TENT5B: variants seen among roughly 807,000 people sequenced by gnomAD.
The protein encoded by TENT5B is family with sequence similarity 46 member B.
A neutral mutation model predicts 21.7 loss-of-function variants in TENT5B; 12 were observed. The observed-to-expected ratio is 0.55, with a 90% CI of 0.36 to 0.90. TENT5B has a LOEUF of 0.90. Ranked by LOEUF, TENT5B falls within the 40% of genes least tolerant of loss-of-function variation. The pLI is 0.01. For missense variants in TENT5B, 540 were observed against 601.5 expected (o/e 0.90, Z 1.07); for synonymous variants, 262 against 266.6 (o/e 0.98, Z 0.17).
chr1:27,009,326 C>A (rs1207676864), intron 1 of TENT5B, among the ~76,000 whole-genome samples: 1 of 152,130 alleles, frequency 6.6e-6, no homozygotes, highest in Non-Finnish European at 1.5e-5. Flanking sequence ...TGCACAAGAT[C>A]ACGTGGAGAT....
chr1:27,007,919 C>T (rs1259216940), intron 1 of TENT5B, among the ~76,000 whole-genome samples: 1 of 152,098 alleles, frequency 6.6e-6, no homozygotes, highest in Non-Finnish European at 1.5e-5. Context: ...AGACCAGAAC[C>T]CAGGTTAGTT....
Position 27,006,908 on chromosome 1 carries a change from C to CACTGT in TENT5B, c.313_314insACAGT (p.Arg105HisfsTer40). ...GTGGCTGGCAGCTGAACCATGCAGC[C>CACTGT]GCACACTGTGCACATGTAGTCCCTG... is the stretch of plus-strand genomic sequence containing the variant. On this transcript the variant is annotated frameshift_variant, in exon 2 of 2. Transcript: ENST00000289166. LOFTEE classifies it high-confidence loss of function. The surrounding 1 kb of genome is among the most constrained non-coding windows in gnomAD (Gnocchi z 9.4). 6.2e-7 allele frequency: 1 copy of CACTGT among 1,612,294 alleles called. No homozygotes were observed. The highest frequency in any genetic ancestry group is 8.5e-7 in the Non-Finnish European group (1 of 1,179,220).
At chr1:27,010,732 T>A (rs2082620027) in intron 1 of TENT5B, among the ~76,000 whole-genome samples, 1 of 152,262 alleles carries the variant, frequency 6.6e-6, no homozygotes, top group Middle Eastern at 3.4e-3. Flanking sequence ...CGCCGACAGC[T>A]CCCTGTTCTG....
chr1:27,006,725 G>A lies in TENT5B; in HGVS notation c.497C>T (p.Pro166Leu), dbSNP rs775576023. Residue 166 changes from proline (P) to leucine (L), a missense_variant, in exon 2 of 2, where the codon CCA becomes CTA. Pro to Leu is a moderately conservative substitution (Grantham distance 98). Transcript: ENST00000289166. This position sits in a 1 kb window ranked among gnomAD's most constrained non-coding sequence, Gnocchi z 9.4. The part of the protein sequence containing the change: ...PAGVSRAKIT[P>L]LTLKEAYVQK... ...CACGTATGCCTCCTTGAGTGTCAGT[G>A]GCGTGATCTTGGCCCGGCTCACACC... 5 of 1,614,082 alleles carry A rather than the reference G, an allele frequency of 3.1e-6. No homozygotes were observed. In the South Asian group the frequency reaches 5.5e-5, roughly 18 times the overall value.
intron 1 of TENT5B, among the ~76,000 whole-genome samples, chr1:27,011,660 A>C (rs2082624030): frequency 1.3e-5 from 2 of 152,186 alleles, no homozygotes; most frequent in African/African-American, 4.8e-5. Context: ...TAAAGGGAAG[A>C]GTTGGAGGAG....
At position 27,012,497 on chromosome 1, in the gene TENT5B, C is replaced by T; in HGVS notation, c.174G>A (p.Lys58=). Residue 58 remains lysine, a synonymous_variant, in exon 1 of 2, where the codon AAG becomes AAA. Transcript: ENST00000289166. ...HLSGLSWPQV[K]RLDALLSEPI... ...GCTCGCTCAGAAGAGCGTCCAGTCG[C>T]TTCACCTGTGGCCAGCTCAGCCCAC... 6.2e-7 allele frequency: 1 copy of T among 1,609,366 alleles called. No homozygotes were observed. The highest frequency in any genetic ancestry group is 8.5e-7 in the Non-Finnish European group (1 of 1,179,576).
rs57309716 is a variant in TENT5B at position 27,011,874 on chromosome 1, G to C, written c.264+533C>G. On this transcript the variant is annotated intron_variant, in intron 1 of 1. Coordinates refer to ENST00000289166, the MANE Select transcript of TENT5B (RefSeq NM_052943.4). ...GCCACAACCCCAGCTGAGAGAGAGG[G>C]AGTCCCTGACAAGTTTTCTTGGCTT... 8.8e-3 allele frequency among the ~76,000 whole-genome samples: 1,344 copies of C among 152,036 alleles called. 17 individuals are homozygous for C. Among genetic ancestry groups the C allele is most frequent in the African/African-American group, 0.031 (1,277 of 41,440 alleles).
chr1:27,007,129 G>T (rs1198966737), intron 1 of TENT5B, among the ~76,000 whole-genome samples, 172 bp from the exon 2 acceptor site: 1 of 135,590 alleles, frequency 7.4e-6, no homozygotes, highest in African/African-American at 2.7e-5. Context: ...GGGGGGTTGG[G>T]GGGGAGTCAT....
Position 27,006,674 on chromosome 1 carries a change from T to G in TENT5B, c.548A>C (p.Asp183Ala), listed in dbSNP as rs1395782067. The change falls in exon 2 of 2, where the codon GAC (aspartate) becomes GCC (alanine). Residue 183 changes from aspartate (D) to alanine (A), a missense_variant. Transcript: ENST00000289166. The surrounding 1 kb of genome is among the most constrained non-coding windows in gnomAD (Gnocchi z 9.4). ...YVQKLVKVCT[D>A]SDRWSLISLS... ...TGAGATGAGGCTCCAGCGGTCCGAG[T>G]CTGTGCACACTTTCACCAGCTTCTG... is the stretch of plus-strand genomic sequence containing the variant. 2 of 1,614,068 alleles carry G rather than the reference T, an allele frequency of 1.2e-6. No individual in the cohort carries two copies. The highest frequency in any genetic ancestry group is 1.7e-5 in the Admixed American group (1 of 60,010).
At position 27,006,003 on chromosome 1, in the gene TENT5B, C is replaced by T. The variant is rs777378207; in HGVS notation, c.1219G>A (p.Val407Met). 1.6e-5 allele frequency: 26 copies of T among 1,604,354 alleles called. No homozygotes were observed. Among genetic ancestry groups the T allele is most frequent in the East Asian group, 2.2e-5 (1 of 44,758 alleles). The change falls in exon 2 of 2, where the codon GTG becomes ATG. Residue 407 changes from valine to methionine, a missense_variant. Transcript: ENST00000289166. This position sits in a 1 kb window ranked among gnomAD's most constrained non-coding sequence, Gnocchi z 9.4. ...GVVPATVNYYVTPVQPLLAHA... is the reference protein window; with the variant it reads ...GVVPATVNYYMTPVQPLLAHA... ...GCCAGGAGAGGTTGCACGGGGGTCACGTAGTAATTGACAGTGGCTGGCACA... is the reference window on the plus strand; with the variant it reads ...GCCAGGAGAGGTTGCACGGGGGTCATGTAGTAATTGACAGTGGCTGGCACA...
chr1:27,006,685 T>G lies in TENT5B; in HGVS notation c.537A>C (p.Lys179Asn), dbSNP rs2082601338. 1 of 1,614,120 alleles carries G rather than the reference T, an allele frequency of 6.2e-7. No individual in the cohort carries two copies. The change falls in exon 2 of 2, where the codon AAA becomes AAC. Residue 179 changes from lysine to asparagine, a missense_variant. By Grantham distance (94) the Lys-to-Asn change is moderately conservative. Transcript: ENST00000289166. The surrounding 1 kb of genome is among the most constrained non-coding windows in gnomAD (Gnocchi z 9.4). The stretch of plus-strand genomic sequence containing the variant: ...TCCAGCGGTCCGAGTCTGTGCACAC[T>G]TTCACCAGCTTCTGCACGTATGCCT... ...LKEAYVQKLV[K>N]VCTDSDRWSL...
At chr1:27,009,688 G>A (rs74062574) in intron 1 of TENT5B, among the ~76,000 whole-genome samples, 121 of 152,344 alleles carry the variant, frequency 7.9e-4, no homozygotes, top group African/African-American at 2.8e-3. Flanking sequence ...ATCCCATTAG[G>A]GCTGACTGAG....
rs111816845 is a variant in TENT5B at position 27,005,529 on chromosome 1, C to T, written c.*415G>A. ...TACCATGTATCAGTCAGTGTGTGGG[C>T]TGCAGGCCCTCCAAAGCTGCTGGGA... On this transcript the variant is annotated 3_prime_UTR_variant, in exon 2 of 2. Coordinates refer to ENST00000289166, the MANE Select transcript of TENT5B (RefSeq NM_052943.4). 1.6e-5 allele frequency: 3 copies of T among 182,200 alleles called. No homozygotes were observed. Among genetic ancestry groups the T allele is most frequent in the South Asian group, 1.5e-4 (1 of 6,606 alleles). 11.3% of individuals were successfully genotyped at this position (182,200 alleles called of 1,614,324 possible). A position where few individuals can be genotyped will look rare whatever the true frequency, so the allele number is the denominator to read the frequency against.
chr1:27,005,891 G>GC lies in TENT5B; in HGVS notation c.*52dup. ...TCATGTCCTCCACACACTCTTGGAGGCCCCACCCCACCCCGTGAGGCCCAG... is the reference window on the plus strand; with the variant it reads ...TCATGTCCTCCACACACTCTTGGAGGCCCCCACCCCACCCCGTGAGGCCCAG... On this transcript the variant is annotated 3_prime_UTR_variant, in exon 2 of 2. Transcript: ENST00000289166. 6.6e-7 allele frequency: 1 copy of GC among 1,512,454 alleles called. No homozygotes were observed. Among genetic ancestry groups the GC allele is most frequent in the Non-Finnish European group, 8.8e-7 (1 of 1,130,578 alleles). 93.7% of individuals were successfully genotyped at this position (1,512,454 alleles called of 1,614,324 possible).
rs776800126 is a variant in TENT5B at position 27,012,397 on chromosome 1, G to A, written c.264+10C>T. The A allele has an allele frequency of 8.1e-6, 13 of 1,610,136 alleles. No individual in the cohort carries two copies. The highest frequency in any genetic ancestry group is 5.3e-5 in the African/African-American group (4 of 74,876). On this transcript the variant is annotated intron_variant, in intron 1 of 1. Coordinates refer to ENST00000289166, the MANE Select transcript of TENT5B (RefSeq NM_052943.4). ...GATTCCCCCACATCCCCCGCCTGGC[G>A]TCCTCTCACCTGCACGATCTGCCGG... is the stretch of plus-strand genomic sequence containing the variant.
At position 27,006,914 on chromosome 1, in the gene TENT5B, CTG is replaced by C; in HGVS notation, c.306_307del (p.His102GlnfsTer16). On this transcript the variant is annotated frameshift_variant, in exon 2 of 2. Transcript: ENST00000289166. LOFTEE classifies it high-confidence loss of function. The surrounding 1 kb of genome is among the most constrained non-coding windows in gnomAD (Gnocchi z 9.4). ...GGCAGCTGAACCATGCAGCCGCACA[CTG>C]TGCACATGTAGTCCCTGCTCCTCCA... The C allele has an allele frequency of 6.2e-7, 1 of 1,611,516 alleles. No homozygotes were observed. The highest frequency in any genetic ancestry group is 1.1e-5 in the South Asian group (1 of 90,676).
At chr1:27,007,117 TG>T (rs1371865839) in intron 1 of TENT5B, among the ~76,000 whole-genome samples, 160 bp from the exon 2 acceptor site, 6 of 11,328 alleles carry the variant, frequency 5.3e-4, no homozygotes, top group African/African-American at 7.3e-4. Context: ...TGGGTGGGGG[TG>T]GGGGGGTTGG....
chr1:27,006,624 C>G lies in TENT5B; in HGVS notation c.598G>C (p.Val200Leu), dbSNP rs751241552. 6.2e-7 allele frequency: 1 copy of G among 1,614,068 alleles called. No homozygotes were observed. The change falls in exon 2 of 2, where the codon GTG becomes CTG. Residue 200 changes from valine to leucine, a missense_variant. By Grantham distance (32) the Val-to-Leu change is conservative (BLOSUM62 1). Coordinates refer to ENST00000289166, the MANE Select transcript of TENT5B (RefSeq NM_052943.4). This position sits in a 1 kb window ranked among gnomAD's most constrained non-coding sequence, Gnocchi z 9.4. ...ISLSNKSGKNVELKFVDSVRR... is the reference protein window; with the variant it reads ...ISLSNKSGKNLELKFVDSVRR... The stretch of plus-strand genomic sequence containing the variant: ...ACCGAGTCCACAAACTTGAGCTCCA[C>G]GTTCTTGCCGCTCTTGTTGGACAGT...
intron 1 of TENT5B, among the ~76,000 whole-genome samples, chr1:27,008,125 G>A (rs2082609215): frequency 6.6e-6 from 1 of 152,160 alleles, no homozygotes; most frequent in Non-Finnish European, 1.5e-5. Context: ...GATGGCACAG[G>A]ACAGATAAAC....
Sources: gnomAD v4.1 joint callset for allele counts (sites outside exome capture counted in the v4.1 genomes callset) on GRCh38, gnomAD v4.1.1 for gene constraint, Gnocchi (gnomAD v3.1) non-coding constraint, MANE v1.5 for transcripts, NCBI Gene and HGNC (gene_info 2026-07-23, HGNC 2026-07-21) for gene names.